Variants in NWD1 observed in about 807,000 individuals in gnomAD.
The protein encoded by NWD1 is NACHT and WD repeat domain containing 1.
Under a neutral mutation model 135.1 loss-of-function variants are expected in NWD1, and 129 were observed. The observed-to-expected ratio is 0.96, with a 90% CI of 0.83 to 1.11. NWD1 has a LOEUF of 1.11. Among genes scored for constraint, NWD1 ranks in the 50% least tolerant of loss-of-function variants. NWD1 has a pLI of 0.00. For missense variants in NWD1, 1,740 were observed against 1,851.3 expected (o/e 0.94, Z 1.10); for synonymous variants, 773 against 786.0 (o/e 0.98, Z 0.28).
chr19:16,752,404 C>T (rs1968616485), intron 6 of NWD1, among the ~76,000 whole-genome samples: 1 of 152,106 alleles, frequency 6.6e-6, no homozygotes, highest in Non-Finnish European at 1.5e-5. Context: ...TCCTGTAATG[C>T]CAGCGTTTTG....
intron 12 of NWD1, among the ~76,000 whole-genome samples, chr19:16,787,588 A>C (rs1970078835): frequency 6.6e-6 from 1 of 152,152 alleles, no homozygotes; most frequent in African/African-American, 2.4e-5. Flanking sequence ...GGCTGGGCAC[A>C]GTGGCTCACG....
chr19:16,791,397 G>C lies in NWD1; in HGVS notation c.2988G>C (p.Leu996=). Residue 996 remains leucine, a synonymous_variant, in exon 14 of 19, where the codon CTG becomes CTC. Coordinates refer to ENST00000524140, the MANE Select transcript of NWD1 (RefSeq NM_001007525.5). Reference sequence around the variant, plus strand: ...CTGCAGAGCCGGTATTCCATATCCTGGGAGATGCCTCTGATCCTTGGATGT... The same window carrying C: ...CTGCAGAGCCGGTATTCCATATCCTCGGAGATGCCTCTGATCCTTGGATGT... The part of the protein sequence containing the change: ...LETAEPVFHI[L]GDASDPWMCM... 1 of 1,613,996 alleles carries C rather than the reference G, an allele frequency of 6.2e-7. No homozygotes were observed. Among genetic ancestry groups the C allele is most frequent in the Non-Finnish European group, 8.5e-7 (1 of 1,179,872 alleles).
At chr19:16,784,258 G>A (rs1331304305) in intron 12 of NWD1, among the ~76,000 whole-genome samples, 2 of 151,490 alleles carry the variant, frequency 1.3e-5, no homozygotes, top group African/African-American at 4.9e-5. Context: ...GTAGTCCCAG[G>A]CTGCGGCTGA....
chr19:16,729,284 A>C (rs1967458761), intron 2 of NWD1, among the ~76,000 whole-genome samples: 1 of 151,516 alleles, frequency 6.6e-6, no homozygotes, highest in African/African-American at 2.4e-5. Context: ...CACCTCCCCA[A>C]CCTTATCTCA....
intron 4 of NWD1, among the ~76,000 whole-genome samples, chr19:16,741,401 T>C (rs1968076658): frequency 6.7e-6 from 1 of 149,308 alleles, no homozygotes; most frequent in Non-Finnish European, 1.5e-5. Flanking sequence ...AGTCTTACTC[T>C]GTCGCCCAGG....
Position 16,807,786 on chromosome 19 carries a change from C to A in NWD1, c.3937C>A (p.Arg1313Ser). 2 of 1,613,882 alleles carry A rather than the reference C, an allele frequency of 1.2e-6. No homozygotes were observed. The highest frequency in any genetic ancestry group is 1.7e-6 in the Non-Finnish European group (2 of 1,179,826). ...CATGTCCCTGAGCAAGTGCGAGGAC[C>A]GCCTGGCCATCGCCTATGACAACAT... is the stretch of plus-strand genomic sequence containing the variant. ...NCMSLSKCEDRLAIAYDNIVL... is the reference protein window; with the variant it reads ...NCMSLSKCEDSLAIAYDNIVL... The change falls in exon 18 of 19, where the codon CGC (arginine) becomes AGC (serine). Residue 1313 changes from arginine (R) to serine (S), a missense_variant. Coordinates refer to ENST00000524140, the MANE Select transcript of NWD1 (RefSeq NM_001007525.5).
intron 4 of NWD1, chr19:16,738,285 A>G (rs1260742087): frequency 9.0e-6 from 4 of 444,826 alleles, no homozygotes; most frequent in Admixed American, 7.2e-5. Context: ...GAAAAGTACC[A>G]TGGCCAGGTA....
chr19:16,726,550 C>G (rs1240446216), intron 2 of NWD1, among the ~76,000 whole-genome samples: 1 of 152,138 alleles, frequency 6.6e-6, no homozygotes, highest in African/African-American at 2.4e-5. Context: ...AGCGATTCTC[C>G]TGCCTCAGCC....
At chr19:16,808,269 G>T in intron 18 of NWD1, 133 bp downstream of exon 18, 1 of 787,994 alleles carries the variant, frequency 1.3e-6, no homozygotes, top group Non-Finnish European at 2.0e-6. Context: ...GAGGCACTTG[G>T]TCAGGCGCAG....
chr19:16,770,551 T>C (rs1969379693), intron 10 of NWD1, among the ~76,000 whole-genome samples: 1 of 152,102 alleles, frequency 6.6e-6, no homozygotes, highest in Non-Finnish European at 1.5e-5. Context: ...CCCCACCGTG[T>C]CCATTGAAAT....
intron 6 of NWD1, 74 bp from the exon 7 acceptor site, chr19:16,759,149 CCT>C: frequency 7.9e-7 from 1 of 1,261,590 alleles, no homozygotes; most frequent in Non-Finnish European, 1.2e-6. Context: ...TGTATCCCTC[CCT>C]CTCTTGGATT....
At chr19:16,724,631 T>C (rs1209173716) in intron 2 of NWD1, among the ~76,000 whole-genome samples, 168 bp downstream of exon 2, 1 of 152,156 alleles carries the variant, frequency 6.6e-6, no homozygotes. Context: ...GAGGATCGTT[T>C]GTTGGCAGGA....
intron 18 of NWD1, 74 bp from the exon 19 acceptor site, chr19:16,814,954 C>G: frequency 1.5e-6 from 2 of 1,353,028 alleles, no homozygotes; most frequent in East Asian, 4.6e-5. Context: ...TCCATGCAGC[C>G]AACTCTGGAA....
At chr19:16,768,934 G>T (rs952352290) in intron 10 of NWD1, among the ~76,000 whole-genome samples, 11 of 152,080 alleles carry the variant, frequency 7.2e-5, no homozygotes, top group Non-Finnish European at 1.5e-4. Context: ...ATCAGCCCAG[G>T]GCCAGTGCTG....
intron 12 of NWD1, among the ~76,000 whole-genome samples, chr19:16,784,542 C>G (rs1265843264): frequency 6.6e-6 from 1 of 152,050 alleles, no homozygotes; most frequent in Non-Finnish European, 1.5e-5. Flanking sequence ...CAGGGAGCAG[C>G]AAGTGCAAAG....
At chr19:16,744,978 A>G (rs1599452168) in intron 5 of NWD1, 3 of 638,022 alleles carry the variant, frequency 4.7e-6, no homozygotes, top group Middle Eastern at 4.1e-4. Flanking sequence ...TTCCTGGCAC[A>G]GGGGCCGTAT....
intron 12 of NWD1, among the ~76,000 whole-genome samples, chr19:16,779,741 A>T (rs559920401): frequency 2.0e-5 from 3 of 151,968 alleles, no homozygotes; most frequent in Non-Finnish European, 2.9e-5. Context: ...GGGCCAAGTG[A>T]TCCTCCTGCC....
intron 12 of NWD1, among the ~76,000 whole-genome samples, chr19:16,788,564 C>CA (rs1164007408): frequency 0.29 from 20,478 of 71,474 alleles, 3,022 homozygotes; most frequent in African/African-American, 0.51. Context: ...GAGAGTCCGT[C>CA]AAAAAAAAAA....
chr19:16,794,315 A>G, intron 14 of NWD1, 148 bp from the exon 15 acceptor site: 1 of 518,492 alleles, frequency 1.9e-6, no homozygotes, highest in Non-Finnish European at 3.5e-6. Context: ...GCAGTGAGCC[A>G]AGATCATACC....
Sources: allele counts gnomAD v4.1 joint callset (sites outside exome capture counted in the v4.1 genomes callset), GRCh38; gene constraint gnomAD v4.1.1; transcripts MANE v1.5; gene names NCBI Gene and HGNC (gene_info 2026-07-23, HGNC 2026-07-21).